Variants in DLGAP1 observed in about 807,000 individuals in gnomAD.
DLGAP1 encodes the protein disks large-associated protein 1.
DLGAP1 carries 11 observed loss-of-function variants against 90.8 expected under a neutral mutation model. That is an observed-to-expected ratio of 0.12 (90% CI 0.08 to 0.20). The LOEUF is 0.20. Among genes scored for constraint, DLGAP1 ranks in the 10% least tolerant of loss-of-function variants. The probability of loss-of-function intolerance (pLI) is 1.00; values close to 1 mark genes in which losing one functional copy is unlikely to be tolerated. For missense variants in DLGAP1, 1,050 were observed against 1,333.8 expected (o/e 0.79, Z 3.31); for synonymous variants, 558 against 540.7 (o/e 1.03, Z -0.44).
chr18:4,109,637 C>T (rs528102969), intron 2 of DLGAP1, among the ~76,000 whole-genome samples: 1 of 152,144 alleles, frequency 6.6e-6, no homozygotes, highest in African/African-American at 2.4e-5. Context: ...TTCCTGAGCC[C>T]CTGCTCCTGA....
intron 1 of DLGAP1, among the ~76,000 whole-genome samples, chr18:4,235,871 A>G (rs770090822): frequency 1.1e-4 from 17 of 151,892 alleles, no homozygotes; most frequent in Non-Finnish European, 1.8e-4. Context: ...GATTGCAGGC[A>G]TGCGCCACCA....
At chr18:3,611,290 G>T (rs73381259) in intron 7 of DLGAP1, among the ~76,000 whole-genome samples, 1,731 of 151,998 alleles carry the variant, frequency 0.011, 32 homozygotes, top group African/African-American at 0.039. Context: ...TCCCAGGCCC[G>T]CATCCCCCTA....
chr18:3,941,103 T>C (rs2072758668), intron 3 of DLGAP1, among the ~76,000 whole-genome samples: 1 of 152,142 alleles, frequency 6.6e-6, no homozygotes. Flanking sequence ...TGTCTACTAG[T>C]TTGCCATACT....
intron 2 of DLGAP1, among the ~76,000 whole-genome samples, chr18:4,018,413 G>C (rs2074557004): frequency 1.3e-5 from 2 of 152,218 alleles, no homozygotes; most frequent in Non-Finnish European, 2.9e-5. Context: ...AGCTCCCTTT[G>C]GCCAAAGGCA....
At chr18:4,119,241 G>A (rs2076114674) in intron 2 of DLGAP1, among the ~76,000 whole-genome samples, 1 of 152,096 alleles carries the variant, frequency 6.6e-6, no homozygotes, top group Admixed American at 6.5e-5. Flanking sequence ...ATAGGCATGT[G>A]CCACCATGTC....
At chr18:3,702,933 T>C (rs12967764) in intron 7 of DLGAP1, among the ~76,000 whole-genome samples, 1,983 of 152,202 alleles carry the variant, frequency 0.013, 24 homozygotes, top group South Asian at 0.019. Context: ...GAGTATAAGA[T>C]GGAGACTTTG....
At chr18:3,925,007 C>T (rs1203311470) in intron 3 of DLGAP1, among the ~76,000 whole-genome samples, 1 of 152,092 alleles carries the variant, frequency 6.6e-6, no homozygotes, top group Non-Finnish European at 1.5e-5. Context: ...GGCTGGAGTG[C>T]AGTGGCGTGA....
intron 2 of DLGAP1, among the ~76,000 whole-genome samples, chr18:4,113,371 T>A (rs1598422851): frequency 6.6e-6 from 1 of 152,158 alleles, no homozygotes; most frequent in East Asian, 1.9e-4. Flanking sequence ...GATGTTGAAC[T>A]TTTTTCGAAA....
intron 7 of DLGAP1, among the ~76,000 whole-genome samples, chr18:3,643,887 G>A (rs899415290): frequency 1.3e-5 from 2 of 152,160 alleles, no homozygotes; most frequent in East Asian, 1.9e-4. Context: ...GAAAGCCTAC[G>A]GAGGGTAATT....
intron 1 of DLGAP1, among the ~76,000 whole-genome samples, chr18:4,421,634 C>T (rs1381971963): frequency 6.6e-6 from 1 of 152,128 alleles, no homozygotes; most frequent in Non-Finnish European, 1.5e-5. Context: ...AGCATGATGT[C>T]TTCAGAGAAC....
chr18:4,337,300 C>A (rs952191631), intron 1 of DLGAP1, among the ~76,000 whole-genome samples: 1 of 148,300 alleles, frequency 6.7e-6, no homozygotes, highest in Non-Finnish European at 1.5e-5. Context: ...TTCAGGTGAT[C>A]CCCCCACCTC....
At chr18:3,708,238 T>C (rs1057293723) in intron 7 of DLGAP1, 17 of 361,206 alleles carry the variant, frequency 4.7e-5, no homozygotes, top group African/African-American at 3.0e-4. Flanking sequence ...AATGCTTGAC[T>C]TCAAGTGATC....
At chr18:4,340,382 T>C (rs896767603) in intron 1 of DLGAP1, among the ~76,000 whole-genome samples, 1 of 152,132 alleles carries the variant, frequency 6.6e-6, no homozygotes, top group Non-Finnish European at 1.5e-5. Context: ...CGGCATGCAA[T>C]TTAAAACTTA....
intron 7 of DLGAP1, among the ~76,000 whole-genome samples, chr18:3,587,905 A>T (rs1037495860): frequency 6.6e-6 from 1 of 152,254 alleles, no homozygotes; most frequent in African/African-American, 2.4e-5. Flanking sequence ...GTTCTCAAAA[A>T]CAATGATTTT....
chr18:4,333,622 A>AT lies in DLGAP1; in HGVS notation c.-267+121383_-267+121384insA, dbSNP rs1198033826. ...CGCTCAAGACATTATATATATATAT[A>AT]ATTTTTTTTTTTTTTGAAACAGAGT... On this transcript the variant is annotated intron_variant, in intron 1 of 12. Transcript: ENST00000315677. Among the ~76,000 whole-genome samples, 29 of 146,576 alleles carry AT rather than the reference A, an allele frequency of 2.0e-4. No individual in the cohort carries two copies. In the South Asian group the frequency reaches 2.1e-3, roughly 11 times the overall value.
At chr18:3,999,602 T>C (rs1476857672) in intron 3 of DLGAP1, among the ~76,000 whole-genome samples, 1 of 141,180 alleles carries the variant, frequency 7.1e-6, no homozygotes, top group Admixed American at 7.0e-5. Flanking sequence ...GAATAGAAAG[T>C]AACAAAAACA....
chr18:4,369,241 G>A (rs1489843118), intron 1 of DLGAP1, among the ~76,000 whole-genome samples: 1 of 152,108 alleles, frequency 6.6e-6, no homozygotes, highest in African/African-American at 2.4e-5. Flanking sequence ...GTGCACATAT[G>A]TGTGTATTTG....
chr18:3,943,520 C>T (rs1191736168), intron 3 of DLGAP1, among the ~76,000 whole-genome samples: 1 of 145,990 alleles, frequency 6.8e-6, no homozygotes, highest in Non-Finnish European at 1.5e-5. Flanking sequence ...GGGCCTAACA[C>T]CAGATTACTC....
At chr18:3,673,586 G>A (rs2060177026) in intron 7 of DLGAP1, among the ~76,000 whole-genome samples, 1 of 152,240 alleles carries the variant, frequency 6.6e-6, no homozygotes. Context: ...CTCACTCTTC[G>A]CCCAGGCTGG....
Sources: gnomAD v4.1 joint callset for allele counts (sites outside exome capture counted in the v4.1 genomes callset) on GRCh38, gnomAD v4.1.1 for gene constraint, MANE v1.5 for transcripts, NCBI Gene and HGNC (gene_info 2026-07-23, HGNC 2026-07-21) for gene names.